DNAAF19: variants seen among roughly 807,000 people sequenced by gnomAD.
DNAAF19 encodes the protein coiled-coil domain containing 103.
the DNAAF19 span, among the ~76,000 whole-genome samples, chr17:44,900,641 T>C: frequency 6.6e-6 from 1 of 152,106 alleles, no homozygotes; most frequent in Non-Finnish European, 1.5e-5. Context: ...AACAATCCTA[T>C]GGGGGAAGAG....
the DNAAF19 span, chr17:44,900,877 C>T: frequency 5.0e-6 from 5 of 1,004,374 alleles, no homozygotes; most frequent in Non-Finnish European, 5.7e-6. Flanking sequence ...ATCTGAGTGA[C>T]ATGATGTCCA....
At chr17:44,904,391 T>TGGCGCATCGGCCTCTGCTACCTGC in the DNAAF19 span, 2 of 1,542,620 alleles carry the variant, frequency 1.3e-6, no homozygotes, top group Non-Finnish European at 1.8e-6. Context: ...TGGGGAGCAG[T>TGGCGCATCGGCCTCTGCTACCTGC]GGCGCATCGG....
chr17:44,900,057 C>T, the DNAAF19 span, among the ~76,000 whole-genome samples: 3 of 152,138 alleles, frequency 2.0e-5, no homozygotes, highest in Non-Finnish European at 4.4e-5. Flanking sequence ...GCTCAACTCA[C>T]TAGGAGTTTG....
chr17:44,904,752 A>G, the DNAAF19 span: 2 of 1,550,474 alleles, frequency 1.3e-6, no homozygotes, highest in African/African-American at 1.4e-5. Context: ...CAGCACCTCT[A>G]CCGCACACAG....
chr17:44,905,058 G>C, the DNAAF19 span: 1 of 1,542,746 alleles, frequency 6.5e-7, no homozygotes, highest in Non-Finnish European at 8.8e-7. Context: ...TGTTGTCCCA[G>C]CTTCTCCCCC....
chr17:44,901,046 G>A, the DNAAF19 span: 2 of 1,599,876 alleles, frequency 1.3e-6, no homozygotes, highest in Non-Finnish European at 1.7e-6. Flanking sequence ...AGAAAGAGCT[G>A]CAGGCTGCAC....
the DNAAF19 span, among the ~76,000 whole-genome samples, chr17:44,900,824 T>C: frequency 1.3e-5 from 2 of 152,228 alleles, no homozygotes; most frequent in Non-Finnish European, 2.9e-5. Context: ...AAATTCAACT[T>C]GTCTTTGTAA....
chr17:44,902,815 T>G, the DNAAF19 span: 1 of 1,541,460 alleles, frequency 6.5e-7, no homozygotes. Context: ...CCAGGTTGAC[T>G]GATGCGGCAA....
At chr17:44,903,475 G>A in the DNAAF19 span, 1 of 1,271,520 alleles carries the variant, frequency 7.9e-7, no homozygotes, top group Non-Finnish European at 9.9e-7. Context: ...GGAGCACTGA[G>A]GCAGAGATCT....
chr17:44,901,258 A>T, the DNAAF19 span: 2 of 1,271,588 alleles, frequency 1.6e-6, no homozygotes, highest in Non-Finnish European at 2.2e-6. Context: ...GTTTGATCTT[A>T]TGCAATTTCC....
the DNAAF19 span, chr17:44,901,752 A>C: frequency 7.6e-7 from 1 of 1,307,552 alleles, no homozygotes; most frequent in Non-Finnish European, 1.1e-6. Flanking sequence ...TTTTTTAACC[A>C]CACATACCTC....
the DNAAF19 span, chr17:44,902,557 C>T: frequency 1.2e-6 from 2 of 1,614,218 alleles, no homozygotes; most frequent in East Asian, 4.5e-5. Flanking sequence ...TCACGTGGGG[C>T]CGGCTGACCG....
At chr17:44,903,893 GAGA>G in the DNAAF19 span, 1 of 1,550,654 alleles carries the variant, frequency 6.4e-7, no homozygotes, top group Non-Finnish European at 8.7e-7. Flanking sequence ...TGAAATTGTG[GAGA>G]AGGAAAACAT....
At chr17:44,902,290 C>T in the DNAAF19 span, 191 of 1,573,120 alleles carry the variant, frequency 1.2e-4, no homozygotes, top group Non-Finnish European at 1.6e-4. Flanking sequence ...TGAAGAGCTA[C>T]AGGCTCCCCT....
the DNAAF19 span, chr17:44,904,961 G>C: frequency 6.4e-7 from 1 of 1,550,748 alleles, no homozygotes. Context: ...TCGCTCGGCT[G>C]TGGAGCTCAC....
the DNAAF19 span, chr17:44,902,452 G>A: frequency 1.2e-6 from 2 of 1,614,224 alleles, no homozygotes; most frequent in South Asian, 1.1e-5. Flanking sequence ...GCGCTACCAG[G>A]CTCTACTGCA....
At chr17:44,900,867 A>G in the DNAAF19 span, 1 of 939,222 alleles carries the variant, frequency 1.1e-6, no homozygotes, top group African/African-American at 1.7e-5. Flanking sequence ...ACACCTCCCA[A>G]TCTGAGTGAC....
At chr17:44,903,314 C>T in the DNAAF19 span, 1 of 1,245,514 alleles carries the variant, frequency 8.0e-7, no homozygotes, top group Middle Eastern at 3.1e-4. Flanking sequence ...CCTAGAGACT[C>T]AGTTCTTGTG....
chr17:44,904,976 A>T, the DNAAF19 span: 1 of 1,550,710 alleles, frequency 6.4e-7, no homozygotes, highest in Non-Finnish European at 8.7e-7. Context: ...GCTCACCCTG[A>T]TAGGCTACCT....
Sources: allele counts gnomAD v4.1 joint callset (sites outside exome capture counted in the v4.1 genomes callset), GRCh38; gene constraint gnomAD v4.1.1; transcripts MANE v1.5; gene names NCBI Gene and HGNC (gene_info 2026-07-23, HGNC 2026-07-21).